The following PIK3CA variants were observed in gnomAD, a reference collection of about 807,000 sequenced individuals.
PIK3CA encodes phosphatidylinositol-4,5-bisphosphate 3-kinase catalytic subunit alpha, also known as phosphatidylinositol 4,5-bisphosphate 3-kinase catalytic subunit alpha isoform.
PIK3CA carries 27 observed loss-of-function variants against 138.2 expected under a neutral mutation model. The ratio of observed to expected loss-of-function variants is 0.20; its 90% CI spans 0.14 to 0.27. The LOEUF (loss-of-function observed/expected upper bound fraction) is 0.27. Among genes scored for constraint, PIK3CA ranks in the 10% least tolerant of loss-of-function variants. The pLI is 1.00. For synonymous variants in PIK3CA, 358 were observed against 413.2 expected (o/e 0.87, Z 1.62); for missense variants, 544 against 1,277.4 (o/e 0.43, Z 8.75).
Position 179,219,943 on chromosome 3 carries a change from A to G in PIK3CA, c.1912-6A>G. ...GACCCTGATTTGTTTTTTTGGAATC[A>G]CCTAGGTCCTAAAATATGAACAATA... On this transcript the variant is annotated splice_polypyrimidine_tract_variant and splice_region_variant and intron_variant, in intron 12 of 20. Transcript: ENST00000263967. The surrounding 1 kb of genome is among the most constrained non-coding windows in gnomAD (Gnocchi z 4.2). 1 of 1,605,484 alleles carries G rather than the reference A, an allele frequency of 6.2e-7. No homozygotes were observed. The highest frequency in any genetic ancestry group is 8.5e-7 in the Non-Finnish European group (1 of 1,177,156).
At chr3:179,175,542 G>C (rs1465315893) in intron 1 of PIK3CA, among the ~76,000 whole-genome samples, 1 of 151,910 alleles carries the variant, frequency 6.6e-6, no homozygotes, top group African/African-American at 2.4e-5. Context: ...TTTTTTGGTA[G>C]TTCCCTCTCC....
Position 179,148,529 on chromosome 3 carries a change from T to TCGGCGC in PIK3CA, c.-148_-143dup, listed in dbSNP as rs937339489. On this transcript the variant is annotated 5_prime_UTR_variant, in exon 1 of 21. Coordinates refer to ENST00000263967, the MANE Select transcript of PIK3CA (RefSeq NM_006218.4). Reference sequence around the variant, plus strand: ...GCCGTGCCGCCCGCTCTCCTCTCCCTCGGCGCCGCCGCCGCCGCCCGCGGG... The same window carrying TCGGCGC: ...GCCGTGCCGCCCGCTCTCCTCTCCCTCGGCGCCGGCGCCGCCGCCGCCGCCCGCGGG... 3 of 151,896 alleles carry TCGGCGC rather than the reference T, an allele frequency of 2.0e-5. No individual in the cohort carries two copies. Among genetic ancestry groups the TCGGCGC allele is most frequent in the African/African-American group, 7.3e-5 (3 of 41,322 alleles). 9.4% of individuals were successfully genotyped at this position (151,896 alleles called of 1,614,324 possible).
In PIK3CA at chr3:179,199,086, A is replaced by G. The variant is rs1324551833; in HGVS notation, c.261A>G (p.Arg87=). 1.2e-6 allele frequency: 2 copies of G among 1,613,512 alleles called. No individual in the cohort carries two copies. The highest frequency in any genetic ancestry group is 1.7e-6 in the Non-Finnish European group (2 of 1,179,828). ...AEREEFFDET[R]RLCDLRLFQP... ...GGGAAGAATTTTTTGATGAAACAAG[A>G]CGACTTTGTGACCTTCGGCTTTTTC... The change falls in exon 2 of 21, where the codon AGA becomes AGG. Residue 87 remains arginine, a synonymous_variant. Coordinates refer to ENST00000263967, the MANE Select transcript of PIK3CA (RefSeq NM_006218.4).
At chr3:179,196,876 A>G (rs1286115821) in intron 1 of PIK3CA, among the ~76,000 whole-genome samples, 2 of 152,308 alleles carry the variant, frequency 1.3e-5, no homozygotes, top group South Asian at 2.1e-4. Flanking sequence ...GGCCGGCCCA[A>G]GGTACTAAGA....
intron 20 of PIK3CA, among the ~76,000 whole-genome samples, chr3:179,232,916 G>GGTGC (rs1725246419): frequency 6.6e-6 from 1 of 151,982 alleles, no homozygotes; most frequent in Non-Finnish European, 1.5e-5. Context: ...AGAGCGTAGT[G>GGTGC]GTGCGATCTC....
rs1553823608 is a variant in PIK3CA, at chr3:179,219,571, A to G, written c.1747A>G (p.Met583Val). 7.3e-7 allele frequency: 1 copy of G among 1,368,836 alleles called. No individual in the cohort carries two copies. The highest frequency in any genetic ancestry group is 1.0e-6 in the Non-Finnish European group (1 of 959,976). 84.8% of individuals were successfully genotyped at this position (1,368,836 alleles called of 1,614,324 possible). A position where few individuals can be genotyped will look rare whatever the true frequency, so the allele number is the denominator to read the frequency against. Residue 583 changes from methionine (M) to valine (V), a missense_variant and splice_region_variant, in exon 12 of 21, where the codon ATG becomes GTG. Around this residue, in one of 14 missense-constraint regions of PIK3CA, gnomAD observed 11 missense variants for 48.4 expected, o/e 0.23. Coordinates refer to ENST00000263967, the MANE Select transcript of PIK3CA (RefSeq NM_006218.4). The surrounding 1 kb of genome is among the most constrained non-coding windows in gnomAD (Gnocchi z 4.2). The stretch of plus-strand genomic sequence containing the variant: ...GATTTATTGTCTTTCTCATACACAG[A>G]TGTATTGCTTGGTAAAAGATTGGCC... ...KWNSRDEVAQ[M>V]YCLVKDWPPI...
chr3:179,225,932 A>C, intron 16 of PIK3CA, 30 bp from the exon 17 acceptor site: 2 of 1,176,054 alleles, frequency 1.7e-6, no homozygotes, highest in Non-Finnish European at 2.5e-6. Context: ...CTGTGGCATT[A>C]AATGGTGATA....
chr3:179,186,448 A>G (rs930707490), intron 1 of PIK3CA, among the ~76,000 whole-genome samples: 10 of 152,366 alleles, frequency 6.6e-5, no homozygotes, highest in Non-Finnish European at 1.0e-4. Flanking sequence ...CTTTTTGAAG[A>G]AAAAGAGAGG....
At chr3:179,176,541 T>A (rs1723701537) in intron 1 of PIK3CA, among the ~76,000 whole-genome samples, 1 of 150,802 alleles carries the variant, frequency 6.6e-6, no homozygotes, top group Admixed American at 6.6e-5. Flanking sequence ...TCTGATATTT[T>A]AAGATCCGAA....
chr3:179,199,928 A>G (rs199990493), intron 3 of PIK3CA, 29 bp downstream of exon 3: 5 of 1,331,076 alleles, frequency 3.8e-6, no homozygotes, highest in Non-Finnish European at 5.4e-6. Flanking sequence ...TACTCTAATC[A>G]TTACTATAGT....
rs1309093665 is a variant in PIK3CA at position 179,148,392 on chromosome 3, G to C, written c.-288G>C. The C allele has an allele frequency of 6.6e-6, 1 of 151,354 alleles. No homozygotes were observed. Among genetic ancestry groups the C allele is most frequent in the Non-Finnish European group, 1.5e-5 (1 of 67,648 alleles). The allele number at this position is 151,354 out of a possible 1,614,324, so 9.4% of individuals were successfully genotyped here. ...CCGCCGCTGCGGCCGCTGAGGTGTC[G>C]GGCTGCTGCTGCCGCGGCCGCTGGG... On this transcript the variant is annotated 5_prime_UTR_variant, in exon 1 of 21. Transcript: ENST00000263967.
At chr3:179,160,749 T>C (rs1723256901) in intron 1 of PIK3CA, among the ~76,000 whole-genome samples, 1 of 152,226 alleles carries the variant, frequency 6.6e-6, no homozygotes, top group Non-Finnish European at 1.5e-5. Flanking sequence ...TTGTACAGTG[T>C]GGTATACAAA....
intron 1 of PIK3CA, among the ~76,000 whole-genome samples, chr3:179,155,136 AG>A (rs1283897469): frequency 2.6e-5 from 4 of 152,188 alleles, no homozygotes; most frequent in African/African-American, 9.6e-5. Flanking sequence ...AGCAAGGCTT[AG>A]TGGACGAATA....
At chr3:179,208,079 TAAC>T (rs1386921868) in intron 6 of PIK3CA, among the ~76,000 whole-genome samples, 3 of 152,040 alleles carry the variant, frequency 2.0e-5, no homozygotes, top group African/African-American at 7.2e-5. Context: ...ATAATAATAA[TAAC>T]ATTTGTTTTT....
rs575940765 is a variant in PIK3CA, at chr3:179,210,379, AGTC to A, written c.1404+42_1404+44del. ...TCATAAATTAGATATTTTTTATGGC[AGTC>A]AAACCTTCTCTCTTATGTATATATA... On this transcript the variant is annotated intron_variant, in intron 8 of 20. Coordinates refer to ENST00000263967, the MANE Select transcript of PIK3CA (RefSeq NM_006218.4). 1,433 of 1,585,404 alleles carry A rather than the reference AGTC, an allele frequency of 9.0e-4. 12 individuals carry two copies. In the African/African-American group the frequency reaches 0.017, roughly 19 times the overall value.
At chr3:179,203,325 G>A (rs886902779) in intron 4 of PIK3CA, among the ~76,000 whole-genome samples, 3 of 151,878 alleles carry the variant, frequency 2.0e-5, no homozygotes, top group Admixed American at 6.6e-5. Flanking sequence ...TTTTTCTTTC[G>A]TGCAATTTAT....
chr3:179,189,018 C>T (rs1003509571), intron 1 of PIK3CA, among the ~76,000 whole-genome samples: 2 of 151,980 alleles, frequency 1.3e-5, no homozygotes, highest in Non-Finnish European at 1.5e-5. Context: ...TCAAGACCAG[C>T]CTGGCCAACA....
chr3:179,189,002 A>G (rs1337944597), intron 1 of PIK3CA, among the ~76,000 whole-genome samples: 4 of 152,188 alleles, frequency 2.6e-5, no homozygotes, highest in Non-Finnish European at 5.9e-5. Flanking sequence ...ACTTGAGGTC[A>G]GGAGTTCAAG....
rs1024838145 is a variant in PIK3CA, at chr3:179,236,932, A to G, written c.*2568A>G. 2 of 204,162 alleles carry G rather than the reference A, an allele frequency of 9.8e-6. No individual in the cohort carries two copies. Among genetic ancestry groups the G allele is most frequent in the Non-Finnish European group, 2.0e-5 (2 of 99,772 alleles). 12.6% of individuals were successfully genotyped at this position (204,162 alleles called of 1,614,324 possible). A position where few individuals can be genotyped will look rare whatever the true frequency, so the allele number is the denominator to read the frequency against. ...AGTTCTCGTGGTTTAGACAGTTCCT[A>G]TCTATAGCTGACTATCCTTGTCCTT... On this transcript the variant is annotated 3_prime_UTR_variant, in exon 21 of 21. Coordinates refer to ENST00000263967, the MANE Select transcript of PIK3CA (RefSeq NM_006218.4).
Sources: gnomAD v4.1 joint callset for allele counts (sites outside exome capture counted in the v4.1 genomes callset) on GRCh38, gnomAD v4.1.1 for gene constraint, gnomAD v4.1.1 regional missense constraint, Gnocchi (gnomAD v3.1) non-coding constraint, MANE v1.5 for transcripts, NCBI Gene and HGNC (gene_info 2026-07-23, HGNC 2026-07-21) for gene names.